DIAPH2: variants seen among roughly 807,000 people sequenced by gnomAD.
The protein encoded by DIAPH2 is protein diaphanous homolog 2.
DIAPH2 carries 35 observed loss-of-function variants against 92.7 expected under a neutral mutation model. That is an observed-to-expected ratio of 0.38 (90% CI 0.29 to 0.50). DIAPH2 has a LOEUF of 0.50. Among genes scored for constraint, DIAPH2 ranks in the 20% least tolerant of loss-of-function variants. The pLI, the probability that DIAPH2 is intolerant of heterozygous loss-of-function variation, is 0.94. For missense variants in DIAPH2, 701 were observed against 819.5 expected, an observed-to-expected ratio of 0.86 and a Z score of 1.77; for synonymous variants, 301 against 280.4, an observed-to-expected ratio of 1.07 and a Z score of -0.73.
rs1410025580 is a variant in DIAPH2 at position 96,759,054 on chromosome X, GTATGTGTGTA to G, written c.447+810_447+819del. The stretch of plus-strand genomic sequence containing the variant: ...AATACCTAGAGTTCATAAAATCACT[GTATGTGTGTA>G]TATGTGTGTATATATATGTATACAC... On this transcript the variant is annotated intron_variant, in intron 4 of 26. Transcript: ENST00000324765. 1.1e-4 allele frequency among the ~76,000 whole-genome samples: 12 copies of G among 108,740 alleles called. No individual in the cohort carries two copies. The East Asian group carries it at 3.2e-3, about 29-fold the overall frequency. The allele number at this position is 108,740 out of a possible 115,157, so 94.4% of individuals were successfully genotyped here. A position where few individuals can be genotyped will look rare whatever the true frequency, so the allele number is the denominator to read the frequency against.
rs1016381423 is a variant in DIAPH2, at chrX:97,335,889, G to A, written c.2845-12227G>A. ...TGTTTAAACCTTGTCAATGACTTAC[G>A]TTTTGGGCAAGAAAGAGTTTTAAAT... is the stretch of plus-strand genomic sequence containing the variant. On this transcript the variant is annotated intron_variant, in intron 23 of 26. Transcript: ENST00000324765. Among the ~76,000 whole-genome samples, 6 of 111,530 alleles carry A rather than the reference G, an allele frequency of 5.4e-5. No homozygotes were observed. In the East Asian group the frequency reaches 1.4e-3, roughly 26 times the overall value.
intron 26 of DIAPH2, chrX:97,454,155 C>A (rs1484411820): frequency 8.9e-6 from 1 of 111,832 alleles, no homozygotes; most frequent in Non-Finnish European, 1.9e-5. Context: ...TTATGTTAGA[C>A]ATAGTTCTAT....
At chrX:96,989,115 T>C (rs2066051259) in intron 17 of DIAPH2, among the ~76,000 whole-genome samples, 1 of 111,896 alleles carries the variant, frequency 8.9e-6, no homozygotes, top group African/African-American at 3.2e-5. Flanking sequence ...AATAATATTC[T>C]CTATCCAGGA....
At chrX:97,233,773 A>G (rs946714444) in intron 22 of DIAPH2, among the ~76,000 whole-genome samples, 1 of 111,595 alleles carries the variant, frequency 9.0e-6, no homozygotes, top group African/African-American at 3.3e-5. Flanking sequence ...TGTTGCTTTT[A>G]TATTTTATTT....
At chrX:96,752,438 ATAAG>A (rs1284340968) in intron 3 of DIAPH2, among the ~76,000 whole-genome samples, 1 of 112,678 alleles carries the variant, frequency 8.9e-6, no homozygotes, top group African/African-American at 3.2e-5. Flanking sequence ...GAGTACAAAG[ATAAG>A]TAAGTTCCTA....
chrX:97,451,043 C>T (rs2070354972), intron 26 of DIAPH2, among the ~76,000 whole-genome samples: 1 of 110,932 alleles, frequency 9.0e-6, no homozygotes, highest in African/African-American at 3.3e-5. Context: ...GGATCTTTTC[C>T]ACACTTTAAA....
At chrX:97,235,385 C>T (rs760609151) in intron 22 of DIAPH2, among the ~76,000 whole-genome samples, 69 of 110,777 alleles carry the variant, frequency 6.2e-4, no homozygotes, top group African/African-American at 2.3e-3. Context: ...GTGGGTGGAT[C>T]ATGAGGTCAG....
chrX:96,691,936 T>G (rs910561868), intron 1 of DIAPH2, among the ~76,000 whole-genome samples: 5 of 112,046 alleles, frequency 4.5e-5, no homozygotes, highest in Non-Finnish European at 7.5e-5. Flanking sequence ...TTGGGTACAA[T>G]CCTTTTTAAA....
chrX:97,026,767 TTTTG>T (rs1429395393), intron 17 of DIAPH2, among the ~76,000 whole-genome samples: 1 of 112,568 alleles, frequency 8.9e-6, no homozygotes, highest in African/African-American at 3.2e-5. Context: ...ATAGAGTTTT[TTTTG>T]TTTGTTTGTT....
rs764330745 is a variant in DIAPH2, at chrX:97,114,765, A to G, written c.2389A>G (p.Ile797Val). The G allele has an allele frequency of 8.3e-7, 1 of 1,208,765 alleles. No individual in the cohort carries two copies. Among genetic ancestry groups the G allele is most frequent in the East Asian group, 3.0e-5 (1 of 33,732 alleles). Reference protein sequence around the residue: ...VKMLQPRLSSILFKLTFEEHI... With the variant: ...VKMLQPRLSSVLFKLTFEEHI... Reference sequence around the variant, plus strand: ...AATGTTACAGCCTCGTCTCAGTAGTATCCTGTTCAAGCTCACATTTGAAGA... The same window carrying G: ...AATGTTACAGCCTCGTCTCAGTAGTGTCCTGTTCAAGCTCACATTTGAAGA... The change falls in exon 21 of 27, where the codon ATC becomes GTC. Residue 797 changes from isoleucine to valine, a missense_variant. Ile to Val is a conservative substitution (Grantham distance 29). This residue lies in a region of DIAPH2 where 536 missense variants were observed against 599.3 expected (regional missense o/e 0.89). Transcript: ENST00000324765.
chrX:97,330,641 T>C (rs920717657), intron 23 of DIAPH2, among the ~76,000 whole-genome samples: 1 of 109,663 alleles, frequency 9.1e-6, no homozygotes, highest in Non-Finnish European at 1.9e-5. Context: ...ACCTCCCAAG[T>C]AGCTGGGATT....
At chrX:97,204,454 A>G (rs1196500085) in intron 22 of DIAPH2, among the ~76,000 whole-genome samples, 1 of 112,137 alleles carries the variant, frequency 8.9e-6, no homozygotes, top group Non-Finnish European at 1.9e-5. Flanking sequence ...CCTTAAGCTG[A>G]TAAACAACTT....
chrX:97,579,072 C>T (rs2071419778), intron 26 of DIAPH2, among the ~76,000 whole-genome samples: 1 of 106,487 alleles, frequency 9.4e-6, no homozygotes, highest in African/African-American at 3.4e-5. Flanking sequence ...TGGATATTAG[C>T]CCTTTGTCAC....
chrX:97,239,860 T>TC (rs2068078473), intron 22 of DIAPH2, among the ~76,000 whole-genome samples: 2 of 70,342 alleles, frequency 2.8e-5, no homozygotes, highest in African/African-American at 9.8e-5. Context: ...CTCTCTCTCT[T>TC]TCTCTCTCTC....
Position 97,373,531 on chromosome X carries a change from G to A in DIAPH2, c.3010-10378G>A, listed in dbSNP as rs749091420. ...GAAGAAAGAGGAAGTTTGTTAGGGGGTTATTTTTTAAGGTGGTCAGGGAAG... is the reference window on the plus strand; with the variant it reads ...GAAGAAAGAGGAAGTTTGTTAGGGGATTATTTTTTAAGGTGGTCAGGGAAG... On this transcript the variant is annotated intron_variant, in intron 24 of 26. Coordinates refer to ENST00000324765, the MANE Select transcript of DIAPH2 (RefSeq NM_006729.5). 2.8e-5 allele frequency among the ~76,000 whole-genome samples: 3 copies of A among 106,091 alleles called. No homozygotes were observed. The South Asian group carries it at 1.3e-3, about 46-fold the overall frequency. 92.1% of individuals were successfully genotyped at this position (106,091 alleles called of 115,157 possible). A position where few individuals can be genotyped will look rare whatever the true frequency, so the allele number is the denominator to read the frequency against.
At chrX:97,453,492 T>C (rs907151772) in intron 26 of DIAPH2, among the ~76,000 whole-genome samples, 2 of 111,052 alleles carry the variant, frequency 1.8e-5, no homozygotes, top group Admixed American at 9.6e-5. Context: ...CTGTAATCAC[T>C]GATTTGAATA....
At chrX:97,467,253 T>A (rs1250425668) in intron 26 of DIAPH2, among the ~76,000 whole-genome samples, 1 of 112,185 alleles carries the variant, frequency 8.9e-6, no homozygotes, top group Non-Finnish European at 1.9e-5. Context: ...TGCGTTACAG[T>A]CCCGTGATGC....
intron 4 of DIAPH2, among the ~76,000 whole-genome samples, chrX:96,828,983 C>G (rs73250748): frequency 0.057 from 6,364 of 111,444 alleles, 202 homozygotes; most frequent in Middle Eastern, 0.16. Flanking sequence ...GTCAAAAAGT[C>G]CTTGATAAAA....
At chrX:96,907,167 A>C (rs1307276931) in intron 5 of DIAPH2, among the ~76,000 whole-genome samples, 1 of 112,079 alleles carries the variant, frequency 8.9e-6, no homozygotes, top group Non-Finnish European at 1.9e-5. Flanking sequence ...TCCAAAAAGA[A>C]ATAGTATAAG....
Sources: gnomAD v4.1 joint callset for allele counts (sites outside exome capture counted in the v4.1 genomes callset) on GRCh38, gnomAD v4.1.1 for gene constraint, gnomAD v4.1.1 regional missense constraint, MANE v1.5 for transcripts, NCBI Gene and HGNC (gene_info 2026-07-23, HGNC 2026-07-21) for gene names.